The following FLT4 variants were observed in gnomAD, a reference collection of about 807,000 sequenced individuals.
FLT4 encodes fms related receptor tyrosine kinase 4, also known as vascular endothelial growth factor receptor 3.
FLT4 carries 30 observed loss-of-function variants against 163.2 expected under a neutral mutation model. That is an observed-to-expected ratio of 0.18 (90% CI 0.14 to 0.25). FLT4 has a LOEUF of 0.25. Among genes scored for constraint, FLT4 ranks in the 10% least tolerant of loss-of-function variants. The probability of loss-of-function intolerance (pLI) is 1.00; values close to 1 mark genes in which losing one functional copy is unlikely to be tolerated. For missense variants in FLT4, 1,510 were observed against 1,863.8 expected (o/e 0.81, Z 3.50); for synonymous variants, 884 against 789.5 (o/e 1.12, Z -2.01).
At chr5:180,614,036 C>T (rs752339800) in intron 24 of FLT4, 32 bp downstream of exon 24, 2 of 1,482,190 alleles carry the variant, frequency 1.3e-6, no homozygotes, top group Non-Finnish European at 1.9e-6. Context: ...ACCTCGCCTC[C>T]TCTCCCCACC....
At position 180,603,235 on chromosome 5, in the gene FLT4, G is replaced by C. The variant is rs1162533424; in HGVS notation, c.4049C>G (p.Ser1350Cys). ...GAAGAAAGTCACGCGGGCAGACGGG[G>C]AGCAGTGGTCCTCCTCGCTTGGCTC... The part of the protein sequence containing the change: ...LSEPSEEDHC[S>C]PSARVTFFTD... The change falls in exon 30 of 30, where the codon TCC (serine) becomes TGC (cysteine). Residue 1350 changes from serine (S) to cysteine (C), a missense_variant. Ser to Cys is a moderately radical substitution (Grantham distance 112). Transcript: ENST00000261937. The C allele has an allele frequency of 3.7e-6, 6 of 1,614,058 alleles. No individual in the cohort carries two copies. The highest frequency in any genetic ancestry group is 5.1e-6 in the Non-Finnish European group (6 of 1,180,048).
At position 180,620,557 on chromosome 5, in the gene FLT4, G is replaced by A. The variant is rs1186676551; in HGVS notation, c.2406+52C>T. On this transcript the variant is annotated intron_variant, in intron 16 of 29. Transcript: ENST00000261937. The surrounding 1 kb of genome is among the most constrained non-coding windows in gnomAD (Gnocchi z 4.4). ...TTATTCTTTATCTTAGGGGCGGCCA[G>A]GGTGGGGAAGGCCTGAGAGAGACTC... The A allele has an allele frequency of 7.1e-7, 1 of 1,415,424 alleles. No homozygotes were observed. Among genetic ancestry groups the A allele is most frequent in the African/African-American group, 1.4e-5 (1 of 71,200 alleles). The allele number at this position is 1,415,424 out of a possible 1,614,324, so 87.7% of individuals were successfully genotyped here. A position where few individuals can be genotyped will look rare whatever the true frequency, so the allele number is the denominator to read the frequency against.
At chr5:180,642,206 G>GAAAAA (rs56315811) in intron 1 of FLT4, among the ~76,000 whole-genome samples, 1 of 132,190 alleles carries the variant, frequency 7.6e-6, no homozygotes, top group Non-Finnish European at 1.6e-5. Flanking sequence ...GACTCTGTGT[G>GAAAAA]AAAAAAAAAA....
chr5:180,604,820 CTT>C (rs1363211837), intron 29 of FLT4, among the ~76,000 whole-genome samples: 2 of 152,212 alleles, frequency 1.3e-5, no homozygotes, highest in Non-Finnish European at 2.9e-5. Context: ...TATATTGTCT[CTT>C]TTCTATTCCT....
intron 1 of FLT4, among the ~76,000 whole-genome samples, chr5:180,633,309 C>G (rs1255528280): frequency 6.6e-6 from 1 of 152,238 alleles, no homozygotes. Flanking sequence ...AACCACACAT[C>G]CAGACCCACT....
In FLT4 at chr5:180,602,066, C is replaced by T. The variant is rs1470449967; in HGVS notation, c.*1126G>A. On this transcript the variant is annotated 3_prime_UTR_variant, in exon 30 of 30. Transcript: ENST00000261937. ...TCTCTCGGCTGCTCCTCTGGGAGGGCGGCATTCTGACCAGCCAGGGTGCTG... is the reference window on the plus strand; with the variant it reads ...TCTCTCGGCTGCTCCTCTGGGAGGGTGGCATTCTGACCAGCCAGGGTGCTG... 8.6e-6 allele frequency: 2 copies of T among 233,416 alleles called. No homozygotes were observed. The highest frequency in any genetic ancestry group is 6.0e-5 in the East Asian group (1 of 16,590). 14.5% of individuals were successfully genotyped at this position (233,416 alleles called of 1,614,324 possible). A position where few individuals can be genotyped will look rare whatever the true frequency, so the allele number is the denominator to read the frequency against.
chr5:180,616,846 G>A (rs374772609), intron 22 of FLT4, 54 bp downstream of exon 22: 6 of 1,376,814 alleles, frequency 4.4e-6, no homozygotes, highest in African/African-American at 2.8e-5. Context: ...ACTTCTTGGC[G>A]ACTGGTGGGG....
intron 10 of FLT4, 65 bp downstream of exon 10, chr5:180,625,804 G>T: frequency 6.7e-7 from 1 of 1,488,512 alleles, no homozygotes; most frequent in Non-Finnish European, 9.3e-7. Flanking sequence ...TGTAAAGGAG[G>T]TTCCTCATGG....
rs931513146 is a variant in FLT4 at position 180,636,498 on chromosome 5, AC to A, written c.59-4721del. 1.1e-4 allele frequency among the ~76,000 whole-genome samples: 11 copies of A among 96,784 alleles called. No homozygotes were observed. The highest frequency in any genetic ancestry group is 2.7e-4 in the African/African-American group (7 of 25,594). The allele number at this position is 96,784 out of a possible 152,430, so 63.5% of individuals were successfully genotyped here. ...CCCCATTAAAGCTGTCATCAGCTGC[AC>A]CCCCCCGTCACTTCCCCTCATTCTC... On this transcript the variant is annotated intron_variant, in intron 1 of 29. Coordinates refer to ENST00000261937, the MANE Select transcript of FLT4 (RefSeq NM_182925.5). The surrounding 1 kb of genome is among the most constrained non-coding windows in gnomAD (Gnocchi z 4.3).
At chr5:180,610,053 G>A (rs931449105) in intron 27 of FLT4, 28 bp from the exon 28 acceptor site, 3 of 1,613,598 alleles carry the variant, frequency 1.9e-6, no homozygotes, top group African/African-American at 2.7e-5. Context: ...AAGGTGCTGA[G>A]GAACGCGCTG....
chr5:180,625,892 G>GCAGGGTGTC lies in FLT4; in HGVS notation c.1389_1397dup (p.Trp463_Pro465dup). ...ACAGACTACGCTGGGCAAACATCTT[G>GCAGGGTGTC]CAGGGTGTCCAGGGCCGCCAGTGCC... is the stretch of plus-strand genomic sequence containing the variant. On this transcript the variant is annotated inframe_insertion, in exon 10 of 30. Coordinates refer to ENST00000261937, the MANE Select transcript of FLT4 (RefSeq NM_182925.5). 6.2e-7 allele frequency: 1 copy of GCAGGGTGTC among 1,612,074 alleles called. No individual in the cohort carries two copies. The highest frequency in any genetic ancestry group is 1.1e-5 in the South Asian group (1 of 91,042).
intron 1 of FLT4, among the ~76,000 whole-genome samples, chr5:180,644,392 G>A (rs911077001): frequency 6.6e-6 from 1 of 152,220 alleles, no homozygotes; most frequent in African/African-American, 2.4e-5. Flanking sequence ...AGGTCTCTGG[G>A]ACAGCAAAGT....
chr5:180,609,656 A>C, intron 28 of FLT4: 1 of 482,838 alleles, frequency 2.1e-6, no homozygotes, highest in Non-Finnish European at 3.8e-6. Flanking sequence ...CCGTCCTTCC[A>C]CTGGGGTTTC....
intron 1 of FLT4, among the ~76,000 whole-genome samples, chr5:180,642,958 G>A (rs758959724): frequency 1.9e-4 from 29 of 152,158 alleles, no homozygotes; most frequent in South Asian, 4.1e-4. Context: ...ACACCCCTGC[G>A]GTTGCCTCCG....
At chr5:180,639,098 C>T (rs145332949) in intron 1 of FLT4, among the ~76,000 whole-genome samples, 2 of 149,712 alleles carry the variant, frequency 1.3e-5, no homozygotes, top group Non-Finnish European at 3.0e-5. Context: ...TAGGTGGACG[C>T]ATGGATGGAT....
intron 1 of FLT4, 49 bp downstream of exon 1, chr5:180,649,439 T>TC: frequency 7.2e-7 from 1 of 1,384,046 alleles, no homozygotes; most frequent in Non-Finnish European, 9.5e-7. Flanking sequence ...CGGTACCCCC[T>TC]CCCCGGCCAG....
chr5:180,648,885 C>T lies in FLT4; in HGVS notation c.58+603G>A, dbSNP rs570219231. 2.0e-4 allele frequency among the ~76,000 whole-genome samples: 31 copies of T among 152,340 alleles called. No homozygotes were observed. The South Asian group carries it at 5.0e-3, about 24-fold the overall frequency. On this transcript the variant is annotated intron_variant, in intron 1 of 29. Coordinates refer to ENST00000261937, the MANE Select transcript of FLT4 (RefSeq NM_182925.5). ...GGCGCTGACAGCCCGCGATTCGCCT[C>T]CTCAAGATTCGTCTCAAGTGCCAGC... is the stretch of plus-strand genomic sequence containing the variant.
Position 180,601,773 on chromosome 5 carries a change from C to G in FLT4, c.*1419G>C, listed in dbSNP as rs989462861. 1 of 233,070 alleles carries G rather than the reference C, an allele frequency of 4.3e-6. No individual in the cohort carries two copies. Among genetic ancestry groups the G allele is most frequent in the Admixed American group, 5.6e-5 (1 of 17,790 alleles). 14.4% of individuals were successfully genotyped at this position (233,070 alleles called of 1,614,324 possible). ...AGAGGAAGGGGGAGGTCCACGGGGA[C>G]GACGAAGATGACCTTATACGTGCAC... On this transcript the variant is annotated 3_prime_UTR_variant, in exon 30 of 30. Coordinates refer to ENST00000261937, the MANE Select transcript of FLT4 (RefSeq NM_182925.5).
At chr5:180,619,163 G>T (rs1024148239) in intron 19 of FLT4, 54 bp from the exon 20 acceptor site, 19 of 1,305,660 alleles carry the variant, frequency 1.5e-5, no homozygotes, top group Non-Finnish European at 1.7e-5. Context: ...CGCGCTGCGG[G>T]CGCGCTCCGC....
Sources: gnomAD v4.1 joint callset for allele counts (sites outside exome capture counted in the v4.1 genomes callset) on GRCh38, gnomAD v4.1.1 for gene constraint, Gnocchi (gnomAD v3.1) non-coding constraint, MANE v1.5 for transcripts, NCBI Gene and HGNC (gene_info 2026-07-23, HGNC 2026-07-21) for gene names.